SLC4A4: variants seen among roughly 807,000 people sequenced by gnomAD.
The protein encoded by SLC4A4 is electrogenic sodium bicarbonate cotransporter 1.
A neutral mutation model predicts 111.5 loss-of-function variants in SLC4A4; 27 were observed. That is an observed-to-expected ratio of 0.24 (90% confidence interval 0.18 to 0.33). The LOEUF is 0.33. Among genes scored for constraint, SLC4A4 ranks in the 10% least tolerant of loss-of-function variants. SLC4A4 has a pLI of 1.00. For missense variants in SLC4A4, 909 were observed against 1,315.5 expected (o/e 0.69, Z 4.78); for synonymous variants, 443 against 463.4 (o/e 0.96, Z 0.57).
At chr4:71,207,039 G>C (rs1434055857) in intron 1 of SLC4A4, among the ~76,000 whole-genome samples, 2 of 152,122 alleles carry the variant, frequency 1.3e-5, no homozygotes, top group Non-Finnish European at 2.9e-5. Flanking sequence ...AATGGTACTA[G>C]TAATCTTATA....
intron 1 of SLC4A4, among the ~76,000 whole-genome samples, chr4:71,208,438 A>AT (rs1330444545): frequency 8.4e-5 from 12 of 143,392 alleles, no homozygotes; most frequent in South Asian, 2.3e-4. Context: ...CTCAAAAAAA[A>AT]AAAAAATATA....
At chr4:71,409,143 C>T (rs1721132407) in intron 7 of SLC4A4, among the ~76,000 whole-genome samples, 1 of 152,146 alleles carries the variant, frequency 6.6e-6, no homozygotes, top group Non-Finnish European at 1.5e-5. Context: ...ATGTCTTTAT[C>T]AGCAGCATGA....
chr4:71,203,830 T>C (rs1354187703), intron 1 of SLC4A4, among the ~76,000 whole-genome samples: 2 of 152,218 alleles, frequency 1.3e-5, no homozygotes, highest in Non-Finnish European at 2.9e-5. Flanking sequence ...AATAAATGTT[T>C]GCTTAAATGA....
At chr4:71,494,581 C>T (rs1383154616) in intron 15 of SLC4A4, among the ~76,000 whole-genome samples, 3 of 151,986 alleles carry the variant, frequency 2.0e-5, no homozygotes, top group Non-Finnish European at 4.4e-5. Context: ...TCCCTAAATG[C>T]TGGGATTACA....
chr4:71,069,562 T>C (rs545517505), intron 1 of SLC4A4, among the ~76,000 whole-genome samples: 31 of 152,216 alleles, frequency 2.0e-4, no homozygotes, highest in Non-Finnish European at 4.4e-4. Flanking sequence ...TTTTCTGTTA[T>C]TGGCAGCTAT....
At chr4:71,503,554 T>G (rs1731133223) in intron 16 of SLC4A4, among the ~76,000 whole-genome samples, 2 of 152,104 alleles carry the variant, frequency 1.3e-5, no homozygotes, top group Non-Finnish European at 2.9e-5. Context: ...CAACTTAACT[T>G]TGGTCACGTT....
chr4:71,181,847 A>G (rs1027366820), intron 2 of SLC4A4, among the ~76,000 whole-genome samples: 6 of 152,126 alleles, frequency 3.9e-5, no homozygotes, highest in Admixed American at 2.0e-4. Context: ...TGTCAACTCT[A>G]TCACATCTCT....
At chr4:71,491,481 G>A (rs115869625) in intron 15 of SLC4A4, among the ~76,000 whole-genome samples, 1 of 151,890 alleles carries the variant, frequency 6.6e-6, no homozygotes, top group African/African-American at 2.4e-5. Context: ...TAGGCACTCT[G>A]GTTTCCTTCC....
intron 7 of SLC4A4, among the ~76,000 whole-genome samples, chr4:71,405,911 G>T (rs1191418747): frequency 6.7e-6 from 1 of 149,066 alleles, no homozygotes; most frequent in Non-Finnish European, 1.5e-5. Context: ...CTAATCACTT[G>T]TATTCTGAAG....
At chr4:71,562,413 A>G (rs986495658) in intron 23 of SLC4A4, among the ~76,000 whole-genome samples, 20 of 151,718 alleles carry the variant, frequency 1.3e-4, no homozygotes, top group Non-Finnish European at 4.4e-5. Context: ...ATGCGGGGAC[A>G]TGAGGGTTAC....
At chr4:71,547,795 C>T (rs1735663844) in intron 20 of SLC4A4, 75 bp downstream of exon 20, 28 of 1,251,910 alleles carry the variant, frequency 2.2e-5, no homozygotes, top group Middle Eastern at 3.7e-4. Context: ...AGTGAAATTC[C>T]TCATGAGATA....
rs200777620 is a variant in SLC4A4 at position 71,567,073 on chromosome 4, G to T, written c.*26G>T. 207 of 1,608,096 alleles carry T rather than the reference G, an allele frequency of 1.3e-4. No homozygotes were observed. The highest frequency in any genetic ancestry group is 1.2e-3 in the Middle Eastern group (7 of 6,018). On this transcript the variant is annotated 3_prime_UTR_variant, in exon 25 of 26. Transcript: ENST00000264485. Reference sequence around the variant, plus strand: ...TAAAATTCCTTTCCTTCAGTCACTCGGTATGCCAAGGTAAAGGAGAGCCCA... The same window carrying T: ...TAAAATTCCTTTCCTTCAGTCACTCTGTATGCCAAGGTAAAGGAGAGCCCA...
chr4:71,213,435 G>A (rs893077763), intron 1 of SLC4A4, among the ~76,000 whole-genome samples: 1 of 152,146 alleles, frequency 6.6e-6, no homozygotes, highest in African/African-American at 2.4e-5. Context: ...AGGCTGGTGG[G>A]CTTGAAAGCA....
At chr4:71,253,768 G>T (rs567634763) in intron 2 of SLC4A4, among the ~76,000 whole-genome samples, 5 of 152,190 alleles carry the variant, frequency 3.3e-5, no homozygotes, top group Non-Finnish European at 7.3e-5. Flanking sequence ...CACACATTCT[G>T]TGGGGAGAAT....
At chr4:71,170,174 T>A (rs1744898073) in intron 2 of SLC4A4, among the ~76,000 whole-genome samples, 1 of 152,240 alleles carries the variant, frequency 6.6e-6, no homozygotes, top group Admixed American at 6.5e-5. Flanking sequence ...TCCTATTTAT[T>A]TCTATAGTAG....
At chr4:71,466,979 G>GAGAGAGAGAT (rs1363275518) in intron 13 of SLC4A4, among the ~76,000 whole-genome samples, 1 of 145,820 alleles carries the variant, frequency 6.9e-6, no homozygotes, top group Non-Finnish European at 1.5e-5. Flanking sequence ...GAGAGAGAGA[G>GAGAGAGAGAT]GTCTGAGTAT....
At chr4:71,171,159 GT>G (rs77494120) in intron 2 of SLC4A4, among the ~76,000 whole-genome samples, 92 of 148,274 alleles carry the variant, frequency 6.2e-4, no homozygotes, top group Middle Eastern at 3.5e-3. Flanking sequence ...TGTTTGTTTT[GT>G]TTTTTTTTTT....
In SLC4A4 at chr4:71,472,933, C is replaced by T; in HGVS notation, c.1866C>T (p.Asn622=). The change falls in exon 14 of 26, where the codon AAC becomes AAT. Residue 622 remains asparagine, a synonymous_variant. Transcript: ENST00000264485. The part of the protein sequence containing the change: ...PINSNFKVGY[N]TLFSCTCVPP... The stretch of plus-strand genomic sequence containing the variant: ...ACTCCAACTTCAAAGTGGGCTACAA[C>T]ACTCTCTTTTCCTGTACCTGTGTGC... 2 of 1,612,978 alleles carry T rather than the reference C, an allele frequency of 1.2e-6. No homozygotes were observed. The highest frequency in any genetic ancestry group is 1.7e-6 in the Non-Finnish European group (2 of 1,179,358).
At chr4:71,398,135 A>C (rs1380707364) in intron 7 of SLC4A4, among the ~76,000 whole-genome samples, 1 of 152,076 alleles carries the variant, frequency 6.6e-6, no homozygotes, top group African/African-American at 2.4e-5. Flanking sequence ...AACCACAAAA[A>C]TTAGCCAGGC....
Sources: gnomAD v4.1 joint callset for allele counts (sites outside exome capture counted in the v4.1 genomes callset) on GRCh38, gnomAD v4.1.1 for gene constraint, MANE v1.5 for transcripts, NCBI Gene and HGNC (gene_info 2026-07-23, HGNC 2026-07-21) for gene names.